Variants in DENND11 observed in about 807,000 individuals in gnomAD.
The protein encoded by DENND11 is DENN domain-containing protein 11.
Under a neutral mutation model 49.2 loss-of-function variants are expected in DENND11, and 34 were observed. That is an observed-to-expected ratio of 0.69 (90% confidence interval 0.53 to 0.92). The LOEUF (loss-of-function observed/expected upper bound fraction) is 0.92, where lower values mean the gene tolerates loss of function less well. DENND11 is among the 40% of genes least tolerant of loss of function. DENND11 has a pLI of 0.00. For synonymous variants in DENND11, 238 were observed against 230.3 expected (o/e 1.03, Z -0.30); for missense variants, 475 against 581.6 (o/e 0.82, Z 1.88).
intron 3 of DENND11, among the ~76,000 whole-genome samples, chr7:141,677,521 GTATA>G (rs71522151): frequency 6.0e-5 from 8 of 132,536 alleles, no homozygotes; most frequent in South Asian, 4.7e-4. Context: ...ATATATATAT[GTATA>G]TATATATATA....
In DENND11 at chr7:141,684,352, G is replaced by A. The variant is rs564620230; in HGVS notation, c.527+1126C>T. On this transcript the variant is annotated intron_variant, in intron 3 of 8. Transcript: ENST00000536163. ...ATTTCAAGGAATAGTATATCTTACT[G>A]TGAAAAAACATTTACTTGAAGTTAT... Among the ~76,000 whole-genome samples, 183 of 152,224 alleles carry A rather than the reference G, an allele frequency of 1.2e-3. 1 individual carries two copies. The highest frequency in any genetic ancestry group is 4.2e-3 in the African/African-American group (176 of 41,542).
chr7:141,699,047 G>A (rs886770095), intron 1 of DENND11, among the ~76,000 whole-genome samples: 6 of 152,168 alleles, frequency 3.9e-5, no homozygotes, highest in Non-Finnish European at 8.8e-5. Flanking sequence ...AAGCAGGCAG[G>A]CCAGCGAGAG....
intron 1 of DENND11, among the ~76,000 whole-genome samples, chr7:141,690,289 G>A (rs961068684): frequency 6.6e-6 from 1 of 152,088 alleles, no homozygotes; most frequent in African/African-American, 2.4e-5. Context: ...AAAGGGCATC[G>A]GCTTCTCCTT....
Position 141,702,052 on chromosome 7 carries a change from C to A in DENND11, c.102G>T (p.Arg34=). 1 of 993,554 alleles carries A rather than the reference C, an allele frequency of 1.0e-6. No homozygotes were observed. The highest frequency in any genetic ancestry group is 4.5e-5 in the South Asian group (1 of 22,174). The allele number at this position is 993,554 out of a possible 1,614,324, so 61.5% of individuals were successfully genotyped here. ...APQPQAGGWG[R]GGGGGARPAA... ...CCGGCCGGGCGCCCCCGCCGCCGCC[C>A]CGGCCCCAGCCTCCCGCCTGCGGCT... is the stretch of plus-strand genomic sequence containing the variant. The change falls in exon 1 of 9, where the codon CGG becomes CGT. Residue 34 remains arginine (R), a synonymous_variant. Transcript: ENST00000536163.
intron 3 of DENND11, among the ~76,000 whole-genome samples, chr7:141,683,433 G>A (rs1010740514): frequency 6.6e-6 from 1 of 152,130 alleles, no homozygotes; most frequent in Non-Finnish European, 1.5e-5. Context: ...GAGGTCAGGA[G>A]TTCGAGACTA....
chr7:141,681,891 G>A (rs1275213021), intron 3 of DENND11, among the ~76,000 whole-genome samples: 2 of 152,162 alleles, frequency 1.3e-5, no homozygotes, highest in East Asian at 3.9e-4. Flanking sequence ...ACAAAGCCAA[G>A]TGCCATGGAG....
In DENND11 at chr7:141,699,884, T is replaced by C. The variant is rs956426693; in HGVS notation, c.268+2002A>G. Among the ~76,000 whole-genome samples, 3 of 151,940 alleles carry C rather than the reference T, an allele frequency of 2.0e-5. No homozygotes were observed. In the South Asian group the frequency reaches 6.2e-4, roughly 32 times the overall value. On this transcript the variant is annotated intron_variant, in intron 1 of 8. Transcript: ENST00000536163. ...GTCTAAATGTGTTACAATCCCTTCT[T>C]TGCACAGTAGCCTTAGTCTGAAAAC...
intron 4 of DENND11, among the ~76,000 whole-genome samples, chr7:141,669,511 G>A (rs551089734): frequency 6.6e-6 from 1 of 152,184 alleles, no homozygotes; most frequent in South Asian, 2.1e-4. Context: ...CTCCCAAAGT[G>A]CTGGGATTAC....
chr7:141,684,811 A>C (rs2117071185), intron 3 of DENND11, among the ~76,000 whole-genome samples: 1 of 151,964 alleles, frequency 6.6e-6, no homozygotes, highest in Admixed American at 6.5e-5. Context: ...CAAAATCTGA[A>C]ATGTAATTAG....
Position 141,685,317 on chromosome 7 carries a change from T to C in DENND11, c.527+161A>G, listed in dbSNP as rs576467872. Among the ~76,000 whole-genome samples, 7 of 152,194 alleles carry C rather than the reference T, an allele frequency of 4.6e-5. 1 individual carries two copies. The highest frequency in any genetic ancestry group is 1.3e-4 in the Admixed American group (2 of 15,278). On this transcript the variant is annotated intron_variant, in intron 3 of 8. Transcript: ENST00000536163. ...AAGACTCATCATGCAGGACGTTGGC[T>C]GAAACGAAAGGACACCACCCGAGGC... is the stretch of plus-strand genomic sequence containing the variant.
At position 141,665,292 on chromosome 7, in the gene DENND11, CGTT is replaced by C; in HGVS notation, c.844_846del (p.Asn282del). On this transcript the variant is annotated inframe_deletion, in exon 6 of 9. Transcript: ENST00000536163. ...GTGCCCCCGATGCCAGGCAGTGAAA[CGTT>C]GGCCAAGCAGCAGCAGCAGTACACT... The C allele has an allele frequency of 1.2e-6, 2 of 1,613,896 alleles. No homozygotes were observed. The highest frequency in any genetic ancestry group is 1.7e-6 in the Non-Finnish European group (2 of 1,179,868).
At chr7:141,682,309 G>C (rs1309507804) in intron 3 of DENND11, among the ~76,000 whole-genome samples, 2 of 152,174 alleles carry the variant, frequency 1.3e-5, no homozygotes, top group African/African-American at 4.8e-5. Context: ...TGAGTGGCCA[G>C]AGGGGCAAAC....
At chr7:141,700,970 G>A (rs1349671553) in intron 1 of DENND11, among the ~76,000 whole-genome samples, 1 of 152,030 alleles carries the variant, frequency 6.6e-6, no homozygotes, top group Admixed American at 6.6e-5. Context: ...CTTAAGCCCT[G>A]ACACCACGAC....
At chr7:141,685,322 C>T (rs759055583) in intron 3 of DENND11, among the ~76,000 whole-genome samples, 156 bp downstream of exon 3, 6 of 152,058 alleles carry the variant, frequency 3.9e-5, no homozygotes, top group Non-Finnish European at 5.9e-5. Flanking sequence ...TTGGCTGAAA[C>T]GAAAGGACAC....
chr7:141,674,332 G>A, intron 3 of DENND11, 112 bp from the exon 4 acceptor site: 3 of 1,410,664 alleles, frequency 2.1e-6, no homozygotes, highest in South Asian at 3.2e-5. Flanking sequence ...GTAACACTCA[G>A]GGGCAAAGGC....
chr7:141,690,708 C>A (rs1471120689), intron 1 of DENND11, among the ~76,000 whole-genome samples: 1 of 152,172 alleles, frequency 6.6e-6, no homozygotes, highest in Non-Finnish European at 1.5e-5. Flanking sequence ...TAGTATTTCC[C>A]AAGCTTAGGT....
chr7:141,694,009 T>C (rs935793919), intron 1 of DENND11, among the ~76,000 whole-genome samples: 3 of 152,188 alleles, frequency 2.0e-5, no homozygotes, highest in African/African-American at 7.2e-5. Context: ...TCATCAATTA[T>C]AACAAATATA....
intron 3 of DENND11, among the ~76,000 whole-genome samples, chr7:141,682,966 CTG>C: frequency 7.2e-6 from 1 of 139,798 alleles, no homozygotes; most frequent in African/African-American, 2.6e-5. Flanking sequence ...AAAAAAAAAA[CTG>C]AGGAAATATT....
rs1374478275 is a variant in DENND11 at position 141,662,483 on chromosome 7, T to C, written c.*173A>G. The C allele has an allele frequency of 1.3e-5, 6 of 475,030 alleles. No homozygotes were observed. In the Admixed American group the frequency reaches 2.5e-4, roughly 20 times the overall value. 29.4% of individuals were successfully genotyped at this position (475,030 alleles called of 1,614,324 possible). On this transcript the variant is annotated 3_prime_UTR_variant, in exon 9 of 9. Coordinates refer to ENST00000536163, the MANE Select transcript of DENND11 (RefSeq NM_001080392.2). ...GACACAAAACCAAGGTGATCTCACC[T>C]TATCTCTAGGGAAAAGGGCAGAAAG... is the stretch of plus-strand genomic sequence containing the variant.
Sources: allele counts gnomAD v4.1 joint callset (sites outside exome capture counted in the v4.1 genomes callset), GRCh38; gene constraint gnomAD v4.1.1; transcripts MANE v1.5; gene names NCBI Gene and HGNC (gene_info 2026-07-23, HGNC 2026-07-21).